GRIN2A: variants seen among roughly 807,000 people sequenced by gnomAD.
GRIN2A encodes the protein glutamate receptor ionotropic, NMDA 2A.
GRIN2A carries 22 observed loss-of-function variants against 113.4 expected under a neutral mutation model. The observed-to-expected ratio is 0.19, with a 90% confidence interval of 0.14 to 0.28. GRIN2A has a LOEUF of 0.28. GRIN2A is among the 10% of genes least tolerant of loss of function. The pLI, the probability that GRIN2A is intolerant of heterozygous loss-of-function variation, is 1.00. For synonymous variants in GRIN2A, 827 were observed against 738.4 expected, an observed-to-expected ratio of 1.12 and a Z score of -1.94; for missense variants, 1,502 against 1,887.0, an observed-to-expected ratio of 0.80 and a Z score of 3.78.
At chr16:9,969,775 G>T (rs1359998040) in intron 2 of GRIN2A, among the ~76,000 whole-genome samples, 2 of 152,308 alleles carry the variant, frequency 1.3e-5, no homozygotes. Flanking sequence ...AAAGACCAGG[G>T]TTGCTGCTAA....
At chr16:10,140,074 G>A (rs1186908343) in intron 2 of GRIN2A, among the ~76,000 whole-genome samples, 1 of 152,082 alleles carries the variant, frequency 6.6e-6, no homozygotes, top group Non-Finnish European at 1.5e-5. Context: ...GGCTGTCCCA[G>A]GCAACACAGG....
intron 5 of GRIN2A, among the ~76,000 whole-genome samples, chr16:9,846,739 C>G (rs1430270137): frequency 6.6e-6 from 1 of 152,124 alleles, no homozygotes; most frequent in Non-Finnish European, 1.5e-5. Flanking sequence ...AGAGCTAACC[C>G]AGCTTGGGGA....
At chr16:10,100,907 G>C (rs1270409030) in intron 2 of GRIN2A, among the ~76,000 whole-genome samples, 1 of 152,220 alleles carries the variant, frequency 6.6e-6, no homozygotes, top group Admixed American at 6.5e-5. Flanking sequence ...TGATTCTCCA[G>C]GTGTGACTTC....
At chr16:9,984,876 G>A (rs2045952446) in intron 2 of GRIN2A, among the ~76,000 whole-genome samples, 1 of 151,980 alleles carries the variant, frequency 6.6e-6, no homozygotes, top group South Asian at 2.1e-4. Flanking sequence ...GTTTTTTGAG[G>A]AGTGGGTTCA....
intron 10 of GRIN2A, among the ~76,000 whole-genome samples, chr16:9,815,133 A>T (rs1180910755): frequency 6.6e-6 from 1 of 152,188 alleles, no homozygotes; most frequent in Non-Finnish European, 1.5e-5. Flanking sequence ...CTTTCTATGA[A>T]GACATTTCAA....
chr16:10,124,344 T>C (rs2048887342), intron 2 of GRIN2A, among the ~76,000 whole-genome samples: 1 of 152,180 alleles, frequency 6.6e-6, no homozygotes, highest in Admixed American at 6.5e-5. Flanking sequence ...AGGGATCATG[T>C]ATGCAAAGTG....
In GRIN2A at chr16:9,824,860, G is replaced by A. The variant is rs575676373; in HGVS notation, c.2008-2436C>T. 2.6e-5 allele frequency among the ~76,000 whole-genome samples: 4 copies of A among 152,146 alleles called. No individual in the cohort carries two copies. The South Asian group carries it at 6.2e-4, about 24-fold the overall frequency. Reference sequence around the variant, plus strand: ...TCACTAAAGAGTCATGACCTACAGCGTGAAAAACAGTGAGGGGGCAAGGAT... The same window carrying A: ...TCACTAAAGAGTCATGACCTACAGCATGAAAAACAGTGAGGGGGCAAGGAT... On this transcript the variant is annotated intron_variant, in intron 9 of 12. Coordinates refer to ENST00000330684, the MANE Select transcript of GRIN2A (RefSeq NM_001134407.3).
At chr16:10,173,052 G>T (rs368621962) in intron 2 of GRIN2A, among the ~76,000 whole-genome samples, 13 of 152,292 alleles carry the variant, frequency 8.5e-5, no homozygotes, top group African/African-American at 2.4e-4. Flanking sequence ...CCAAACGATT[G>T]TCAGCAACCC....
intron 2 of GRIN2A, among the ~76,000 whole-genome samples, chr16:9,957,319 G>A (rs1297357822): frequency 6.6e-6 from 1 of 152,154 alleles, no homozygotes; most frequent in Non-Finnish European, 1.5e-5. Context: ...GTGGATATAG[G>A]ATTGAGCTCC....
intron 8 of GRIN2A, among the ~76,000 whole-genome samples, chr16:9,832,644 T>C (rs903665285): frequency 2.6e-5 from 4 of 152,300 alleles, no homozygotes; most frequent in Admixed American, 6.5e-5. Flanking sequence ...TCAGAAAATG[T>C]GTAAATTCAC....
At chr16:9,775,712 A>G (rs1232566170) in intron 11 of GRIN2A, among the ~76,000 whole-genome samples, 1 of 152,208 alleles carries the variant, frequency 6.6e-6, no homozygotes. Flanking sequence ...TACCCAGGGA[A>G]CAGCAAGGCC....
chr16:9,976,799 T>G (rs2045782142), intron 2 of GRIN2A, among the ~76,000 whole-genome samples: 1 of 152,178 alleles, frequency 6.6e-6, no homozygotes, highest in African/African-American at 2.4e-5. Context: ...CTTGTAGATA[T>G]ATCCCTCCGA....
chr16:10,036,786 C>T (rs2047043145), intron 2 of GRIN2A, among the ~76,000 whole-genome samples: 1 of 151,964 alleles, frequency 6.6e-6, no homozygotes, highest in Non-Finnish European at 1.5e-5. Flanking sequence ...TTCATACCAT[C>T]TCTCCTCTCT....
chr16:9,868,113 T>C (rs150676070), intron 4 of GRIN2A, among the ~76,000 whole-genome samples: 328 of 152,274 alleles, frequency 2.2e-3, no homozygotes, highest in African/African-American at 7.3e-3. Flanking sequence ...GTTCTAATAT[T>C]TGAACATTTT....
intron 2 of GRIN2A, among the ~76,000 whole-genome samples, chr16:9,983,588 C>T (rs532586334): frequency 2.6e-5 from 4 of 152,066 alleles, no homozygotes; most frequent in East Asian, 1.9e-4. Flanking sequence ...TACAGGCACC[C>T]GCCACTATAC....
At chr16:10,121,655 G>C (rs1868288) in intron 2 of GRIN2A, 128,058 of 151,880 alleles carry the variant, frequency 0.84, 54,781 homozygotes, top group East Asian at 0.92. Flanking sequence ...CATATCATGA[G>C]TTTCCAGGCC....
At chr16:10,034,008 C>A (rs368571839) in intron 2 of GRIN2A, 1 of 152,196 alleles carries the variant, frequency 6.6e-6, no homozygotes, top group South Asian at 2.1e-4. Context: ...TCCTATCAAC[C>A]GGGCCAAACA....
chr16:10,029,152 C>G (rs1185751148), intron 2 of GRIN2A, among the ~76,000 whole-genome samples: 2 of 152,048 alleles, frequency 1.3e-5, no homozygotes, highest in African/African-American at 2.4e-5. Context: ...GAGAGAGAGT[C>G]TACAAGAAGA....
intron 4 of GRIN2A, among the ~76,000 whole-genome samples, chr16:9,874,023 A>T (rs2043316484): frequency 6.6e-6 from 1 of 152,212 alleles, no homozygotes. Context: ...CCTTTAAGGG[A>T]ATACGAGTTG....
Sources: gnomAD v4.1 joint callset for allele counts (sites outside exome capture counted in the v4.1 genomes callset) on GRCh38, gnomAD v4.1.1 for gene constraint, MANE v1.5 for transcripts, NCBI Gene and HGNC (gene_info 2026-07-23, HGNC 2026-07-21) for gene names.